The following ABTB2 variants were observed in gnomAD, a reference collection of about 807,000 sequenced individuals.
The protein encoded by ABTB2 is ankyrin repeat and BTB/POZ domain-containing protein 2.
ABTB2 carries 56 observed loss-of-function variants against 104.1 expected under a neutral mutation model. The observed-to-expected ratio is 0.54, with a 90% CI of 0.43 to 0.67. The LOEUF is 0.67. ABTB2 is among the 30% of genes least tolerant of loss of function. The pLI is 0.00. For missense variants in ABTB2, 1,279 were observed against 1,407.7 expected (o/e 0.91, Z 1.46); for synonymous variants, 606 against 608.2 (o/e 1.00, Z 0.05).
chr11:34,320,356 G>T (rs1433496279), intron 1 of ABTB2, among the ~76,000 whole-genome samples: 21 of 152,148 alleles, frequency 1.4e-4, no homozygotes. Flanking sequence ...TATTTCCTGG[G>T]GGAATTGAAG....
chr11:34,188,534 A>T, intron 3 of ABTB2, among the ~76,000 whole-genome samples: 1 of 152,224 alleles, frequency 6.6e-6, no homozygotes, highest in East Asian at 1.9e-4. Flanking sequence ...AGCCTGGGGA[A>T]TACACGGAAA....
intron 3 of ABTB2, among the ~76,000 whole-genome samples, chr11:34,180,254 G>A (rs1338329687): frequency 1.3e-5 from 2 of 152,150 alleles, no homozygotes; most frequent in African/African-American, 4.8e-5. Context: ...CCACTATGTC[G>A]AGTGTGAGCT....
rs1852552884 is a variant in ABTB2 at position 34,152,282 on chromosome 11, A to C, written c.*105T>G. The stretch of plus-strand genomic sequence containing the variant: ...GGGGACATCTGGGGGAGGAGGAGGA[A>C]ACAGCCCCGTGAACCTGGCTCCAAG... On this transcript the variant is annotated 3_prime_UTR_variant, in exon 17 of 17. Transcript: ENST00000435224. The C allele has an allele frequency of 7.8e-7, 1 of 1,289,644 alleles. No homozygotes were observed. Among genetic ancestry groups the C allele is most frequent in the Non-Finnish European group, 1.1e-6 (1 of 949,100 alleles). The allele number at this position is 1,289,644 out of a possible 1,614,324, so 79.9% of individuals were successfully genotyped here.
intron 1 of ABTB2, among the ~76,000 whole-genome samples, chr11:34,245,516 C>A (rs1474234996): frequency 1.3e-5 from 2 of 152,166 alleles, no homozygotes; most frequent in Non-Finnish European, 2.9e-5. Flanking sequence ...GAGACACCTG[C>A]GGCACTCACC....
chr11:34,166,999 C>T (rs556979745), intron 7 of ABTB2, among the ~76,000 whole-genome samples: 34 of 152,334 alleles, frequency 2.2e-4, no homozygotes, highest in Admixed American at 2.1e-3. Context: ...AGAGAGATGC[C>T]GGGAGGGCAT....
chr11:34,168,152 A>G (rs1852827622), intron 5 of ABTB2, among the ~76,000 whole-genome samples, 160 bp from the exon 6 acceptor site: 1 of 152,186 alleles, frequency 6.6e-6, no homozygotes, highest in Non-Finnish European at 1.5e-5. Flanking sequence ...TGCTGGGCAC[A>G]GGGCATGGGG....
chr11:34,276,025 C>T (rs1220114411), intron 1 of ABTB2, among the ~76,000 whole-genome samples: 1 of 152,146 alleles, frequency 6.6e-6, no homozygotes, highest in Non-Finnish European at 1.5e-5. Flanking sequence ...ATTTAATCCA[C>T]CTACTCATTG....
chr11:34,169,504 CTTG>C (rs1852840995), intron 5 of ABTB2, among the ~76,000 whole-genome samples: 1 of 152,186 alleles, frequency 6.6e-6, no homozygotes, highest in African/African-American at 2.4e-5. Context: ...GGCAGAGTAA[CTTG>C]TTCAAGATGC....
intron 1 of ABTB2, among the ~76,000 whole-genome samples, chr11:34,333,320 G>C (rs1855154548): frequency 6.6e-6 from 1 of 152,126 alleles, no homozygotes; most frequent in African/African-American, 2.4e-5. Context: ...TTACATAGCG[G>C]CATGTCTGGG....
In ABTB2 at chr11:34,154,694, G is replaced by A. The variant is rs1488993559; in HGVS notation, c.2766+7C>T. ...CCCAGGCCCCCTCCCCCTCTCCCGAGTCTCACCTCCAGGATGTCAGTGGTG... is the reference window on the plus strand; with the variant it reads ...CCCAGGCCCCCTCCCCCTCTCCCGAATCTCACCTCCAGGATGTCAGTGGTG... On this transcript the variant is annotated splice_region_variant and intron_variant, in intron 15 of 16. Transcript: ENST00000435224. The surrounding 1 kb of genome is among the most constrained non-coding windows in gnomAD (Gnocchi z 4.9). The A allele has an allele frequency of 5.0e-6, 8 of 1,613,972 alleles. No individual in the cohort carries two copies. The highest frequency in any genetic ancestry group is 1.7e-6 in the Non-Finnish European group (2 of 1,179,948).
At chr11:34,227,214 C>T (rs1853698733) in intron 1 of ABTB2, among the ~76,000 whole-genome samples, 2 of 149,050 alleles carry the variant, frequency 1.3e-5, no homozygotes, top group African/African-American at 5.0e-5. Context: ...GCGTAGGTTG[C>T]AGTGAGCCCA....
intron 1 of ABTB2, among the ~76,000 whole-genome samples, chr11:34,332,742 A>C (rs1259246013): frequency 6.6e-6 from 1 of 152,156 alleles, no homozygotes; most frequent in East Asian, 1.9e-4. Flanking sequence ...TCTTTGAAAA[A>C]GAGGCAAAGG....
intron 1 of ABTB2, among the ~76,000 whole-genome samples, chr11:34,223,546 T>C (rs542556805): frequency 2.4e-4 from 37 of 152,212 alleles, no homozygotes; most frequent in Non-Finnish European, 4.9e-4. Context: ...AGACTGACCC[T>C]ATCTCTGCAT....
intron 1 of ABTB2, among the ~76,000 whole-genome samples, chr11:34,279,267 A>G (rs1234383269): frequency 6.6e-6 from 1 of 152,136 alleles, no homozygotes; most frequent in Non-Finnish European, 1.5e-5. Context: ...TTATATATTT[A>G]TATTTATCTT....
intron 14 of ABTB2, among the ~76,000 whole-genome samples, chr11:34,158,359 G>T (rs1035109148): frequency 6.6e-6 from 1 of 152,148 alleles, no homozygotes; most frequent in African/African-American, 2.4e-5. Context: ...CTTGCAGTGA[G>T]CCGAGATCAT....
At chr11:34,169,158 C>G (rs1190026266) in intron 5 of ABTB2, among the ~76,000 whole-genome samples, 2 of 152,194 alleles carry the variant, frequency 1.3e-5, no homozygotes, top group African/African-American at 4.8e-5. Flanking sequence ...TGCGGACAGA[C>G]TTGACTTACT....
At chr11:34,328,417 G>A (rs1416860097) in intron 1 of ABTB2, among the ~76,000 whole-genome samples, 1 of 152,152 alleles carries the variant, frequency 6.6e-6, no homozygotes, top group Non-Finnish European at 1.5e-5. Flanking sequence ...TTGGTGACTT[G>A]GGGCAGGCTG....
Position 34,165,326 on chromosome 11 carries a change from C to T in ABTB2, c.1786G>A (p.Gly596Ser). The T allele has an allele frequency of 1.3e-6, 2 of 1,586,734 alleles. No homozygotes were observed. The highest frequency in any genetic ancestry group is 1.8e-5 in the Admixed American group (1 of 56,330). The change falls in exon 8 of 17, where the codon GGC becomes AGC. Residue 596 changes from glycine to serine, a missense_variant. Coordinates refer to ENST00000435224, the MANE Select transcript of ABTB2 (RefSeq NM_145804.3). Reference sequence around the variant, plus strand: ...TCCTCGCCGCCGTTCACTGCCGAGCCCTCGACATGGGCACCAGCATCCAGC... The same window carrying T: ...TCCTCGCCGCCGTTCACTGCCGAGCTCTCGACATGGGCACCAGCATCCAGC... ...LLLDAGAHVEGSAVNGGEDSY... is the reference protein window; with the variant it reads ...LLLDAGAHVESSAVNGGEDSY...
chr11:34,247,648 T>C, intron 1 of ABTB2, among the ~76,000 whole-genome samples: 1 of 152,214 alleles, frequency 6.6e-6, no homozygotes, highest in South Asian at 2.1e-4. Flanking sequence ...TGTACATGTA[T>C]TGAGGAGTCA....
Sources: allele counts gnomAD v4.1 joint callset (sites outside exome capture counted in the v4.1 genomes callset), GRCh38; gene constraint gnomAD v4.1.1; non-coding constraint Gnocchi (gnomAD v3.1); transcripts MANE v1.5; gene names NCBI Gene and HGNC (gene_info 2026-07-23, HGNC 2026-07-21).